SHROOM2: variants seen among roughly 807,000 people sequenced by gnomAD.
SHROOM2 encodes the protein protein Shroom2.
Under a neutral mutation model 75.9 loss-of-function variants are expected in SHROOM2, and 33 were observed. The observed-to-expected ratio is 0.43, with a 90% CI of 0.33 to 0.58. The LOEUF (loss-of-function observed/expected upper bound fraction) is 0.58, where lower values mean the gene tolerates loss of function less well. Ranked by LOEUF, SHROOM2 falls within the 20% of genes least tolerant of loss-of-function variation. The pLI is 0.04. For missense variants in SHROOM2, 1,434 were observed against 1,461.2 expected, an observed-to-expected ratio of 0.98 and a Z score of 0.30; for synonymous variants, 655 against 663.6, an observed-to-expected ratio of 0.99 and a Z score of 0.20.
In SHROOM2 at chrX:9,894,860, C is replaced by A. The variant is rs749461454; in HGVS notation, c.952C>A (p.Pro318Thr). Residue 318 changes from proline to threonine, a missense_variant, in exon 4 of 10, where the codon CCT (proline) becomes ACT (threonine). By Grantham distance (38) the Pro-to-Thr change is conservative. Transcript: ENST00000380913. ...KKAPSSPPPP[P>T]PPLRSDSFAA... The stretch of plus-strand genomic sequence containing the variant: ...AGCACCATCATCCCCACCTCCTCCC[C>A]CTCCCCCTCTCCGCAGTGACAGCTT... The A allele has an allele frequency of 2.5e-6, 3 of 1,211,551 alleles. No homozygotes were observed. In the Admixed American group the frequency reaches 6.5e-5, roughly 26 times the overall value.
At chrX:9,796,603 G>A (rs147135273) in intron 1 of SHROOM2, among the ~76,000 whole-genome samples, 1,351 of 110,652 alleles carry the variant, frequency 0.012, 12 homozygotes, top group Non-Finnish European at 0.016. Flanking sequence ...AAAGGGAGTA[G>A]CTCTTTCAGA....
At chrX:9,871,118 C>G (rs1268454436) in intron 1 of SHROOM2, among the ~76,000 whole-genome samples, 1 of 111,666 alleles carries the variant, frequency 9.0e-6, no homozygotes, top group Non-Finnish European at 1.9e-5. Context: ...CCTGGACCCC[C>G]AGATGTCTGT....
At chrX:9,849,218 C>T (rs1345650102) in intron 1 of SHROOM2, among the ~76,000 whole-genome samples, 2 of 111,623 alleles carry the variant, frequency 1.8e-5, no homozygotes, top group African/African-American at 6.5e-5. Flanking sequence ...ATCTCTGTGC[C>T]TCAGCACAGA....
intron 1 of SHROOM2, among the ~76,000 whole-genome samples, chrX:9,793,779 C>G (rs948677078): frequency 9.2e-6 from 1 of 108,314 alleles, no homozygotes; most frequent in Non-Finnish European, 1.9e-5. Flanking sequence ...GGGTCTTGCT[C>G]TCTTGCTCAA....
chrX:9,898,135 T>C (rs1371236136), intron 4 of SHROOM2, 55 bp from the exon 5 acceptor site: 2 of 979,444 alleles, frequency 2.0e-6, no homozygotes, highest in African/African-American at 1.9e-5. Context: ...TAATCACAGA[T>C]GTCCTGAGGA....
At position 9,896,421 on chromosome X, in the gene SHROOM2, G is replaced by A; in HGVS notation, c.2513G>A (p.Gly838Asp). 8.2e-7 allele frequency: 1 copy of A among 1,212,162 alleles called. No homozygotes were observed. The highest frequency in any genetic ancestry group is 3.0e-5 in the East Asian group (1 of 33,871). ...RPRTAGRTCE[G>D]TEPWSRTTSL... ...CGGACAGCGGGCCGCACATGTGAGG[G>A]CACGGAGCCCTGGTCGCGCACCACC... The change falls in exon 4 of 10, where the codon GGC becomes GAC. Residue 838 changes from glycine (G) to aspartate (D), a missense_variant. Physicochemically the swap from Gly to Asp is moderately conservative, Grantham distance 94 (BLOSUM62 -1). This residue lies in a region of SHROOM2 where 1,340 missense variants were observed against 1,338.3 expected (regional missense o/e 1.00). Coordinates refer to ENST00000380913, the MANE Select transcript of SHROOM2 (RefSeq NM_001649.4).
chrX:9,834,641 TA>T lies in SHROOM2; in HGVS notation c.166-39010del, dbSNP rs1293309693. Among the ~76,000 whole-genome samples, 123 of 103,992 alleles carry T rather than the reference TA, an allele frequency of 1.2e-3. 1 individual carries two copies. Among genetic ancestry groups the T allele is most frequent in the Admixed American group, 3.4e-3 (31 of 9,120 alleles). 90.3% of individuals were successfully genotyped at this position (103,992 alleles called of 115,157 possible). On this transcript the variant is annotated intron_variant, in intron 1 of 9. Transcript: ENST00000380913. ...TCTCCACCTTATTTATTTATTTATT[TA>T]TTTATTTATTTTCTTTGAGACAACA... is the stretch of plus-strand genomic sequence containing the variant.
At chrX:9,927,164 C>T (rs2084602313) in intron 5 of SHROOM2, among the ~76,000 whole-genome samples, 2 of 109,532 alleles carry the variant, frequency 1.8e-5, no homozygotes, top group Non-Finnish European at 3.8e-5. Context: ...GCATGGGCAA[C>T]ATGGTGAACC....
chrX:9,789,482 A>G (rs953685123), intron 1 of SHROOM2, among the ~76,000 whole-genome samples: 1 of 111,539 alleles, frequency 9.0e-6, no homozygotes, highest in Admixed American at 9.6e-5. Context: ...GGGCAGGAAT[A>G]ACATCCATGC....
chrX:9,825,665 G>A (rs1021437802), intron 1 of SHROOM2, among the ~76,000 whole-genome samples: 2 of 112,003 alleles, frequency 1.8e-5, no homozygotes, highest in African/African-American at 3.2e-5. Flanking sequence ...TTAATTGGAC[G>A]CTGAGTGCTC....
At chrX:9,875,445 C>A (rs1248946873) in intron 2 of SHROOM2, among the ~76,000 whole-genome samples, 1 of 111,484 alleles carries the variant, frequency 9.0e-6, no homozygotes, top group Non-Finnish European at 1.9e-5. Context: ...GGTCATCATC[C>A]CGCTGCCAAG....
At position 9,868,633 on chromosome X, in the gene SHROOM2, C is replaced by T. The variant is rs1194111685; in HGVS notation, c.166-5019C>T. On this transcript the variant is annotated intron_variant, in intron 1 of 9. Coordinates refer to ENST00000380913, the MANE Select transcript of SHROOM2 (RefSeq NM_001649.4). ...ATAACGGCTCACTGCGGCCTCAACC[C>T]TCTGGGCTCAAGTGATCCTGCTGCC... Among the ~76,000 whole-genome samples the T allele has an allele frequency of 1.7e-4, 19 of 109,303 alleles. No individual in the cohort carries two copies. The Admixed American group carries it at 1.9e-3, about 11-fold the overall frequency. The allele number at this position is 109,303 out of a possible 115,157, so 94.9% of individuals were successfully genotyped here. A position where few individuals can be genotyped will look rare whatever the true frequency, so the allele number is the denominator to read the frequency against.
At chrX:9,864,804 G>A (rs1601952968) in intron 1 of SHROOM2, among the ~76,000 whole-genome samples, 2 of 92,726 alleles carry the variant, frequency 2.2e-5, no homozygotes, top group Non-Finnish European at 4.7e-5. Flanking sequence ...CAGCCTGGGC[G>A]ACAGAGCGAG....
intron 2 of SHROOM2, among the ~76,000 whole-genome samples, chrX:9,880,778 A>G (rs2147003770): frequency 8.9e-6 from 1 of 111,897 alleles, no homozygotes; most frequent in South Asian, 3.8e-4. Flanking sequence ...ATTCACACAA[A>G]GAAAATGCTC....
intron 1 of SHROOM2, among the ~76,000 whole-genome samples, chrX:9,848,440 C>T (rs995126541): frequency 1.2e-5 from 1 of 85,943 alleles, no homozygotes; most frequent in Non-Finnish European, 2.2e-5. Flanking sequence ...GGAAGCGGAG[C>T]TTGCAGTGAG....
rs2084824158 is a variant in SHROOM2, at chrX:9,946,810, A to G, written c.4724A>G (p.Tyr1575Cys). The change falls in exon 10 of 10, where the codon TAT becomes TGT. Residue 1575 changes from tyrosine (Y) to cysteine (C), a missense_variant. Around this residue, in one of 3 missense-constraint regions of SHROOM2, gnomAD observed 80 missense variants for 88.4 expected, o/e 0.90. Coordinates refer to ENST00000380913, the MANE Select transcript of SHROOM2 (RefSeq NM_001649.4). ...NYLSEESLAD[Y>C]EHFVKMKSAL... ...CTGAGCGAGGAGAGCCTCGCGGACT[A>G]TGAGCACTTCGTGAAGATGAAGTCG... The G allele has an allele frequency of 1.7e-6, 2 of 1,204,885 alleles. No homozygotes were observed. Among genetic ancestry groups the G allele is most frequent in the East Asian group, 3.0e-5 (1 of 33,521 alleles).
intron 1 of SHROOM2, among the ~76,000 whole-genome samples, chrX:9,809,751 C>G (rs2083781735): frequency 8.9e-6 from 1 of 112,693 alleles, no homozygotes; most frequent in Admixed American, 9.4e-5. Flanking sequence ...TCACTGCAAC[C>G]TCTGCCTCCT....
chrX:9,936,149 G>A (rs1422643002), intron 6 of SHROOM2, among the ~76,000 whole-genome samples: 4 of 109,852 alleles, frequency 3.6e-5, no homozygotes, highest in Non-Finnish European at 5.7e-5. Context: ...CCAGGCTAGA[G>A]TGCAGTGGTG....
intron 1 of SHROOM2, among the ~76,000 whole-genome samples, chrX:9,834,661 GACA>G (rs1569145188): frequency 5.4e-5 from 5 of 93,065 alleles, no homozygotes; most frequent in African/African-American, 1.9e-4. Flanking sequence ...TTTTCTTTGA[GACA>G]ACATCTCACA....
Sources: gnomAD v4.1 joint callset for allele counts (sites outside exome capture counted in the v4.1 genomes callset) on GRCh38, gnomAD v4.1.1 for gene constraint, gnomAD v4.1.1 regional missense constraint, MANE v1.5 for transcripts, NCBI Gene and HGNC (gene_info 2026-07-23, HGNC 2026-07-21) for gene names.